KLF8: variants seen among roughly 807,000 people sequenced by gnomAD.
KLF8 encodes Krueppel-like factor 8.
A neutral mutation model predicts 18.2 loss-of-function variants in KLF8; 10 were observed. The ratio of observed to expected loss-of-function variants is 0.55; its 90% CI spans 0.34 to 0.93. KLF8 has a LOEUF of 0.93. Among genes scored for constraint, KLF8 ranks in the 40% least tolerant of loss-of-function variants. The pLI, the probability that KLF8 is intolerant of heterozygous loss-of-function variation, is 0.02. For synonymous variants in KLF8, 109 were observed against 97.3 expected, an observed-to-expected ratio of 1.12 and a Z score of -0.71; for missense variants, 264 against 277.9, an observed-to-expected ratio of 0.95 and a Z score of 0.36.
the KLF8 span, among the ~76,000 whole-genome samples, chrX:55,966,180 T>C: frequency 8.9e-6 from 1 of 112,765 alleles, no homozygotes; most frequent in Non-Finnish European, 1.9e-5. Flanking sequence ...CCAGATGGCA[T>C]GTCTGGACTT....
chrX:56,171,546 C>T, the KLF8 span, among the ~76,000 whole-genome samples: 31 of 110,573 alleles, frequency 2.8e-4, no homozygotes, highest in African/African-American at 7.6e-4. Flanking sequence ...CAACAGGCCC[C>T]GGTGTGTGAT....
chrX:56,028,453 T>C, the KLF8 span, among the ~76,000 whole-genome samples: 23 of 111,530 alleles, frequency 2.1e-4, no homozygotes, highest in Non-Finnish European at 4.1e-4. Context: ...GAATCCCAGG[T>C]AGCATACCTG....
the KLF8 span, among the ~76,000 whole-genome samples, chrX:55,933,737 G>A: frequency 1.8e-5 from 2 of 111,900 alleles, no homozygotes; most frequent in African/African-American, 3.2e-5. Flanking sequence ...TCTGTCTTAT[G>A]GAGTAAAGAA....
At chrX:56,065,047 G>A in the KLF8 span, among the ~76,000 whole-genome samples, 1 of 111,478 alleles carries the variant, frequency 9.0e-6, no homozygotes, top group Non-Finnish European at 1.9e-5. Flanking sequence ...TTTACAGTTT[G>A]ACTGTAATGT....
chrX:56,127,391 A>G, the KLF8 span, among the ~76,000 whole-genome samples: 3 of 111,712 alleles, frequency 2.7e-5, no homozygotes, highest in African/African-American at 9.8e-5. Flanking sequence ...AACATAGGCC[A>G]ATCACAGTCG....
chrX:56,158,552 C>T, the KLF8 span, among the ~76,000 whole-genome samples: 2 of 111,478 alleles, frequency 1.8e-5, no homozygotes, highest in South Asian at 7.6e-4. Flanking sequence ...TGTTTGTATC[C>T]TCTTTTATTT....
chrX:55,924,372 C>A, the KLF8 span, among the ~76,000 whole-genome samples: 1 of 111,805 alleles, frequency 8.9e-6, no homozygotes, highest in Non-Finnish European at 1.9e-5. Context: ...CCACTGCGCC[C>A]GGCCCTGACA....
At chrX:56,209,833 C>T in the KLF8 span, among the ~76,000 whole-genome samples, 1 of 111,219 alleles carries the variant, frequency 9.0e-6, no homozygotes, top group South Asian at 3.8e-4. Flanking sequence ...ATGAGGCTTG[C>T]AAATACTATC....
the KLF8 span, among the ~76,000 whole-genome samples, chrX:56,140,155 G>T: frequency 8.9e-6 from 1 of 112,490 alleles, no homozygotes; most frequent in Non-Finnish European, 1.9e-5. Context: ...TACACTGCTA[G>T]TGGAAATGTA....
chrX:56,068,303 G>A, the KLF8 span, among the ~76,000 whole-genome samples: 1 of 110,449 alleles, frequency 9.1e-6, no homozygotes, highest in Non-Finnish European at 1.9e-5. Context: ...AGCCAGGTGG[G>A]CAACACCTGT....
At chrX:56,029,791 C>T in the KLF8 span, among the ~76,000 whole-genome samples, 1 of 111,902 alleles carries the variant, frequency 8.9e-6, no homozygotes, top group Non-Finnish European at 1.9e-5. Flanking sequence ...GGGCATTCCT[C>T]CCAGAACACC....
At chrX:55,988,415 C>T in the KLF8 span, among the ~76,000 whole-genome samples, 5 of 112,154 alleles carry the variant, frequency 4.5e-5, no homozygotes, top group Non-Finnish European at 9.4e-5. Flanking sequence ...CAGCTTTCTA[C>T]ATATGGCTAG....
At chrX:56,222,593 T>G in the KLF8 span, among the ~76,000 whole-genome samples, 1 of 112,758 alleles carries the variant, frequency 8.9e-6, no homozygotes, top group African/African-American at 3.2e-5. Context: ...CAGTCCCACA[T>G]GGTGGGCCTG....
the KLF8 span, among the ~76,000 whole-genome samples, chrX:55,923,744 G>GTA: frequency 1.1e-5 from 1 of 94,653 alleles, no homozygotes; most frequent in Admixed American, 1.2e-4. Context: ...GTGTGTGTGT[G>GTA]TATATCTGTA....
At chrX:56,254,472 G>A (rs1224454698) in intron 2 of KLF8, among the ~76,000 whole-genome samples, 1 of 112,078 alleles carries the variant, frequency 8.9e-6, no homozygotes, top group African/African-American at 3.2e-5. Context: ...TAGCTTTGCT[G>A]TTTGCAGATG....
chrX:56,093,607 TA>T, the KLF8 span, among the ~76,000 whole-genome samples: 8 of 109,813 alleles, frequency 7.3e-5, no homozygotes, highest in African/African-American at 2.0e-4. Context: ...GGACCAAAAT[TA>T]AAAAAAAGGA....
chrX:56,190,830 G>A, the KLF8 span, among the ~76,000 whole-genome samples: 1 of 111,226 alleles, frequency 9.0e-6, no homozygotes, highest in Non-Finnish European at 1.9e-5. Flanking sequence ...TATGAAGAAG[G>A]AAGTTGATTG....
the KLF8 span, among the ~76,000 whole-genome samples, chrX:56,174,778 G>T: frequency 1.8e-5 from 2 of 111,563 alleles, no homozygotes; most frequent in Admixed American, 9.6e-5. Flanking sequence ...TTCAGATCCT[G>T]TTATTGGTCT....
At chrX:55,998,327 C>T in the KLF8 span, among the ~76,000 whole-genome samples, 71 of 111,307 alleles carry the variant, frequency 6.4e-4, no homozygotes, top group Admixed American at 6.6e-3. Flanking sequence ...TTACGGGTGT[C>T]GGGCTGGGGG....
Sources: allele counts gnomAD v4.1 joint callset (sites outside exome capture counted in the v4.1 genomes callset), GRCh38; gene constraint gnomAD v4.1.1; transcripts MANE v1.5; gene names NCBI Gene and HGNC (gene_info 2026-07-23, HGNC 2026-07-21).